RBFOX1: variants seen among roughly 807,000 people sequenced by gnomAD.
RBFOX1 encodes RNA binding fox-1 homolog 1, also known as RNA binding protein fox-1 homolog 1.
A neutral mutation model predicts 57.7 loss-of-function variants in RBFOX1; 8 were observed. That is an observed-to-expected ratio of 0.14 (90% confidence interval 0.08 to 0.25). RBFOX1 has a LOEUF of 0.25. Ranked by LOEUF, RBFOX1 falls within the 10% of genes least tolerant of loss-of-function variation. The pLI is 1.00. For synonymous variants in RBFOX1, 326 were observed against 222.4 expected (o/e 1.47, Z -4.15); for missense variants, 611 against 548.5 (o/e 1.11, Z -1.14).
At chr16:5,363,798 T>C (rs938956918) in intron 1 of RBFOX1, among the ~76,000 whole-genome samples, 1 of 152,216 alleles carries the variant, frequency 6.6e-6, no homozygotes, top group African/African-American at 2.4e-5. Flanking sequence ...CAGAGAGATC[T>C]CTCTTGAGCT....
chr16:5,267,616 T>G (rs1374027149), intron 1 of RBFOX1, among the ~76,000 whole-genome samples: 1 of 152,046 alleles, frequency 6.6e-6, no homozygotes, highest in Non-Finnish European at 1.5e-5. Flanking sequence ...AAGGTTTGAG[T>G]TGAGATAGGG....
chr16:7,213,550 C>G (rs952362018), intron 4 of RBFOX1, among the ~76,000 whole-genome samples: 1 of 127,938 alleles, frequency 7.8e-6, no homozygotes. Flanking sequence ...AAGGGATCCT[C>G]TAATGCCAAA....
At chr16:7,446,237 A>T (rs1056455666) in intron 4 of RBFOX1, among the ~76,000 whole-genome samples, 1 of 152,200 alleles carries the variant, frequency 6.6e-6, no homozygotes, top group Non-Finnish European at 1.5e-5. Context: ...CCCCAGACCC[A>T]TGCGAATTGA....
chr16:5,552,288 A>G (rs910676905), intron 2 of RBFOX1, among the ~76,000 whole-genome samples: 1 of 152,180 alleles, frequency 6.6e-6, no homozygotes, highest in Non-Finnish European at 1.5e-5. Context: ...GCATTCCGTC[A>G]TATGTTGCCT....
intron 3 of RBFOX1, among the ~76,000 whole-genome samples, chr16:7,043,654 C>A (rs2046920084): frequency 6.6e-6 from 1 of 152,216 alleles, no homozygotes; most frequent in African/African-American, 2.4e-5. Flanking sequence ...CATAATTGTC[C>A]TGAAAACTGG....
chr16:7,098,781 G>A (rs1270382822), intron 4 of RBFOX1, among the ~76,000 whole-genome samples: 1 of 152,008 alleles, frequency 6.6e-6, no homozygotes, highest in Non-Finnish European at 1.5e-5. Context: ...GAGACCCTGT[G>A]TCTATCTTTA....
intron 2 of RBFOX1, among the ~76,000 whole-genome samples, chr16:5,491,101 G>A (rs978060995): frequency 6.6e-6 from 1 of 151,774 alleles, no homozygotes; most frequent in Non-Finnish European, 1.5e-5. Context: ...ATAATCTTAC[G>A]GGACCACCGT....
intron 4 of RBFOX1, among the ~76,000 whole-genome samples, chr16:7,350,429 C>T (rs1013206675): frequency 2.0e-5 from 3 of 152,154 alleles, no homozygotes; most frequent in Admixed American, 1.3e-4. Flanking sequence ...GCAGCCAGGT[C>T]CCATTCCACC....
chr16:7,707,988 A>AG (rs1246418981), intron 14 of RBFOX1, among the ~76,000 whole-genome samples: 1 of 152,212 alleles, frequency 6.6e-6, no homozygotes, highest in Non-Finnish European at 1.5e-5. Context: ...AATATCTGGC[A>AG]GGGCAAACAA....
chr16:7,193,428 A>G (rs941524570), intron 4 of RBFOX1, among the ~76,000 whole-genome samples: 5 of 152,228 alleles, frequency 3.3e-5, no homozygotes, highest in African/African-American at 1.2e-4. Context: ...CTACAGAACT[A>G]TAAGATGGGT....
intron 1 of RBFOX1, among the ~76,000 whole-genome samples, chr16:6,193,579 A>G (rs7206587): frequency 0.1 from 15,175 of 150,804 alleles, 1,000 homozygotes; most frequent in Admixed American, 0.17. Flanking sequence ...AATAGGGGCT[A>G]CTTTTAAAAA....
intron 2 of RBFOX1, among the ~76,000 whole-genome samples, chr16:6,448,580 C>G (rs1021219857): frequency 6.6e-6 from 1 of 152,172 alleles, no homozygotes; most frequent in African/African-American, 2.4e-5. Flanking sequence ...CCATAGCACC[C>G]TGTGCAGTTG....
chr16:6,410,543 C>T (rs2093426868), intron 2 of RBFOX1, among the ~76,000 whole-genome samples: 1 of 151,986 alleles, frequency 6.6e-6, no homozygotes, highest in South Asian at 2.1e-4. Flanking sequence ...GATCTCCTGA[C>T]CTCATGATCC....
intron 2 of RBFOX1, among the ~76,000 whole-genome samples, 168 bp from the exon 3 acceptor site, chr16:6,654,435 G>C (rs114255422): frequency 6.6e-6 from 1 of 152,122 alleles, no homozygotes; most frequent in Non-Finnish European, 1.5e-5. Flanking sequence ...ACCGCAGTAT[G>C]TACCTTTAAA....
intron 4 of RBFOX1, among the ~76,000 whole-genome samples, chr16:7,103,272 T>C (rs1482553460): frequency 6.6e-6 from 1 of 152,160 alleles, no homozygotes; most frequent in East Asian, 1.9e-4. Flanking sequence ...TTTAACTGTT[T>C]TGAGTTTATG....
intron 1 of RBFOX1, among the ~76,000 whole-genome samples, chr16:5,308,786 A>G (rs956441238): frequency 8.6e-5 from 13 of 151,804 alleles, no homozygotes; most frequent in African/African-American, 2.4e-4. Context: ...TATTAAGTAT[A>G]CAGTCAAGTT....
At chr16:6,893,234 G>A (rs1222186460) in intron 3 of RBFOX1, among the ~76,000 whole-genome samples, 1 of 152,120 alleles carries the variant, frequency 6.6e-6, no homozygotes, top group African/African-American at 2.4e-5. Flanking sequence ...ACTGTGGAGG[G>A]AACACAGCTT....
chr16:7,706,182 G>A (rs192909598), intron 14 of RBFOX1, among the ~76,000 whole-genome samples: 68 of 152,272 alleles, frequency 4.5e-4, no homozygotes, highest in African/African-American at 9.6e-4. Flanking sequence ...ACACAAGGGC[G>A]TGTTCAGAAA....
At chr16:5,381,086 G>C (rs771508542) in intron 1 of RBFOX1, among the ~76,000 whole-genome samples, 3 of 152,228 alleles carry the variant, frequency 2.0e-5, no homozygotes, top group Admixed American at 6.5e-5. Flanking sequence ...GTGTGAAATA[G>C]ATACGCCACT....
Sources: allele counts gnomAD v4.1 joint callset (sites outside exome capture counted in the v4.1 genomes callset), GRCh38; gene constraint gnomAD v4.1.1; transcripts MANE v1.5; gene names NCBI Gene and HGNC (gene_info 2026-07-23, HGNC 2026-07-21).